ZDHHC7: variants seen among roughly 807,000 people sequenced by gnomAD.
ZDHHC7 encodes palmitoyltransferase ZDHHC7.
Under a neutral mutation model 34.1 loss-of-function variants are expected in ZDHHC7, and 12 were observed. The observed-to-expected ratio is 0.35, with a 90% CI of 0.23 to 0.57. The LOEUF is 0.57. Among genes scored for constraint, ZDHHC7 ranks in the 20% least tolerant of loss-of-function variants. The pLI is 0.84. For missense variants in ZDHHC7, 388 were observed against 402.7 expected (o/e 0.96, Z 0.31); for synonymous variants, 185 against 155.4 (o/e 1.19, Z -1.42).
intron 4 of ZDHHC7, among the ~76,000 whole-genome samples, chr16:84,979,798 AC>A (rs2072342603): frequency 6.6e-6 from 1 of 152,068 alleles, no homozygotes; most frequent in South Asian, 2.1e-4. Flanking sequence ...GCTGTATTTT[AC>A]TTTTGCCCAA....
chr16:85,003,702 C>A (rs774902446), intron 1 of ZDHHC7, among the ~76,000 whole-genome samples: 1 of 152,144 alleles, frequency 6.6e-6, no homozygotes, highest in African/African-American at 2.4e-5. Context: ...ATTGCCTGAC[C>A]TTTCTAGAAG....
intron 1 of ZDHHC7, among the ~76,000 whole-genome samples, chr16:85,006,063 C>A (rs1028765855): frequency 6.6e-6 from 1 of 152,134 alleles, no homozygotes; most frequent in Non-Finnish European, 1.5e-5. Context: ...CAGGAATCAC[C>A]GTTCAAAATC....
Position 84,981,944 on chromosome 16 carries a change from C to T in ZDHHC7, c.366G>A (p.Gln122=). 6.2e-7 allele frequency: 1 copy of T among 1,614,244 alleles called. No homozygotes were observed. The highest frequency in any genetic ancestry group is 2.2e-5 in the East Asian group (1 of 44,882). Residue 122 remains glutamine, a synonymous_variant, in exon 4 of 8, where the codon CAG becomes CAA. Transcript: ENST00000313732. ...NATKEYMESL[Q]LKPGEVIYKC... ...TGTAGATGACTTCCCCGGGCTTCAG[C>T]TGCAAGCTCTCCATGTATTCTTTCG...
chr16:85,001,504 G>C (rs1334994961), intron 1 of ZDHHC7, among the ~76,000 whole-genome samples: 1 of 130,592 alleles, frequency 7.7e-6, no homozygotes, highest in East Asian at 2.3e-4. Flanking sequence ...TGGATGGCAA[G>C]AGCCAGGCTT....
In ZDHHC7 at chr16:84,974,202, T is replaced by C. The variant is rs1458223728; in HGVS notation, c.*2141A>G. 2 of 152,216 alleles carry C rather than the reference T, an allele frequency of 1.3e-5. No individual in the cohort carries two copies. Among genetic ancestry groups the C allele is most frequent in the Admixed American group, 6.5e-5 (1 of 15,274 alleles). 9.4% of individuals were successfully genotyped at this position (152,216 alleles called of 1,614,324 possible). A position where few individuals can be genotyped will look rare whatever the true frequency, so the allele number is the denominator to read the frequency against. On this transcript the variant is annotated 3_prime_UTR_variant, in exon 8 of 8. Coordinates refer to ENST00000313732, the MANE Select transcript of ZDHHC7 (RefSeq NM_017740.3). ...TGGAGATTTTGAAACATTGTTTTTA[T>C]TTCAACGTGCACTAAAAAAAGGACT... is the stretch of plus-strand genomic sequence containing the variant.
At chr16:84,980,643 C>T (rs2072355557) in intron 4 of ZDHHC7, among the ~76,000 whole-genome samples, 1 of 152,148 alleles carries the variant, frequency 6.6e-6, no homozygotes. Context: ...GCACTCCAGC[C>T]TGGGCGACAG....
chr16:85,004,230 C>G (rs2072689139), intron 1 of ZDHHC7, among the ~76,000 whole-genome samples: 2 of 151,954 alleles, frequency 1.3e-5, no homozygotes, highest in Non-Finnish European at 2.9e-5. Context: ...ATCTCATTCC[C>G]CACCTCTCCA....
At chr16:84,979,344 A>G in intron 4 of ZDHHC7, 59 bp from the exon 5 acceptor site, 1 of 1,563,630 alleles carries the variant, frequency 6.4e-7, no homozygotes, top group South Asian at 1.2e-5. Flanking sequence ...AGAGTAACAC[A>G]ACCAAATAAA....
intron 3 of ZDHHC7, among the ~76,000 whole-genome samples, chr16:84,983,353 G>A (rs2072394930): frequency 6.6e-6 from 1 of 152,190 alleles, no homozygotes; most frequent in Non-Finnish European, 1.5e-5. Context: ...CTGGGCTCCG[G>A]AGCCACAGAT....
chr16:85,010,608 A>G lies in ZDHHC7; in HGVS notation c.-104+678T>C, dbSNP rs2072778144. ...AAGAAGCTACAAGGCAGGTAGCCGC[A>G]TCAACACTGTCTCTTACACTCCAAT... On this transcript the variant is annotated intron_variant, in intron 1 of 7. Coordinates refer to ENST00000313732, the MANE Select transcript of ZDHHC7 (RefSeq NM_017740.3). Among the ~76,000 whole-genome samples, 3 of 152,360 alleles carry G rather than the reference A, an allele frequency of 2.0e-5. No homozygotes were observed. In the South Asian group the frequency reaches 6.2e-4, roughly 32 times the overall value.
intron 1 of ZDHHC7, among the ~76,000 whole-genome samples, 190 bp from the exon 2 acceptor site, chr16:84,996,197 G>C (rs930027787): frequency 6.6e-6 from 1 of 152,118 alleles, no homozygotes; most frequent in Non-Finnish European, 1.5e-5. Flanking sequence ...CACAATCCTG[G>C]AAATCAAGTA....
chr16:84,976,545 G>A, intron 7 of ZDHHC7, 26 bp from the exon 8 acceptor site: 7 of 1,609,960 alleles, frequency 4.3e-6, no homozygotes, highest in Non-Finnish European at 4.2e-6. Context: ...AAAGCAAGTG[G>A]CAGCGGCTCC....
chr16:85,020,158 G>C, the ZDHHC7 span, among the ~76,000 whole-genome samples: 27 of 152,326 alleles, frequency 1.8e-4, no homozygotes, highest in African/African-American at 6.3e-4. Context: ...CTTGCCTTAG[G>C]CACGGGTCTC....
Position 85,009,749 on chromosome 16 carries a change from C to A in ZDHHC7, c.-104+1537G>T, listed in dbSNP as rs563128431. ...TTTGAGACGGAGTCTTGCTCTGTCG[C>A]CCAGACTGGAGTGCAGTGGCGCGAT... On this transcript the variant is annotated intron_variant, in intron 1 of 7. Transcript: ENST00000313732. Among the ~76,000 whole-genome samples the A allele has an allele frequency of 3.0e-3, 426 of 142,916 alleles. 3 individuals carry two copies. The highest frequency in any genetic ancestry group is 0.011 in the African/African-American group (411 of 38,382). The allele number at this position is 142,916 out of a possible 152,430, so 93.8% of individuals were successfully genotyped here. A position where few individuals can be genotyped will look rare whatever the true frequency, so the allele number is the denominator to read the frequency against.
chr16:85,001,598 C>G (rs1489260745), intron 1 of ZDHHC7, among the ~76,000 whole-genome samples: 1 of 151,988 alleles, frequency 6.6e-6, no homozygotes, highest in East Asian at 1.9e-4. Context: ...AAGATACAAG[C>G]AGTTGCATAT....
At chr16:84,982,611 A>G (rs57918396) in intron 3 of ZDHHC7, among the ~76,000 whole-genome samples, 1,699 of 152,216 alleles carry the variant, frequency 0.011, 35 homozygotes, top group African/African-American at 0.039. Flanking sequence ...AAACAATCTC[A>G]AAAAGGACTT....
intron 1 of ZDHHC7, among the ~76,000 whole-genome samples, chr16:85,003,171 G>A (rs968065793): frequency 4.6e-5 from 7 of 152,202 alleles, no homozygotes; most frequent in African/African-American, 1.7e-4. Flanking sequence ...GGTAAGCCAA[G>A]TGACCGAAAC....
intron 5 of ZDHHC7, among the ~76,000 whole-genome samples, chr16:84,978,411 G>A (rs1035073589): frequency 6.6e-6 from 1 of 152,198 alleles, no homozygotes; most frequent in Non-Finnish European, 1.5e-5. Flanking sequence ...TCCTACCCAA[G>A]ATCATATTAG....
At chr16:85,005,148 G>C (rs189162438) in intron 1 of ZDHHC7, 4 of 152,262 alleles carry the variant, frequency 2.6e-5, no homozygotes, top group Admixed American at 2.6e-4. Flanking sequence ...GAAATAAAAA[G>C]AACTCTAGAG....
Sources: gnomAD v4.1 joint callset for allele counts (sites outside exome capture counted in the v4.1 genomes callset) on GRCh38, gnomAD v4.1.1 for gene constraint, MANE v1.5 for transcripts, NCBI Gene and HGNC (gene_info 2026-07-23, HGNC 2026-07-21) for gene names.